Variants in ZNF433 observed in about 807,000 individuals in gnomAD.
ZNF433 encodes zinc finger protein 433.
ZNF433 carries 12 observed loss-of-function variants against 10.6 expected under a neutral mutation model. The ratio of observed to expected loss-of-function variants is 1.13; its 90% CI spans 0.72 to 1.83. The LOEUF (loss-of-function observed/expected upper bound fraction) is 1.83. ZNF433 is among the 40% of genes most tolerant of loss of function. The pLI is 0.00. For missense variants in ZNF433, 737 were observed against 798.0 expected, an observed-to-expected ratio of 0.92 and a Z score of 0.92; for synonymous variants, 272 against 271.3, an observed-to-expected ratio of 1.00 and a Z score of -0.02.
chr19:12,017,574 G>T (rs1018827599), intron 3 of ZNF433, among the ~76,000 whole-genome samples: 4 of 149,626 alleles, frequency 2.7e-5, no homozygotes, highest in African/African-American at 9.9e-5. Context: ...TTGTTTTTTG[G>T]GTCAGGGTCT....
At position 12,015,465 on chromosome 19, in the gene ZNF433, G is replaced by A. The variant is rs758343802; in HGVS notation, c.1393C>T (p.His465Tyr). The A allele has an allele frequency of 1.2e-6, 2 of 1,613,956 alleles. No individual in the cohort carries two copies. Among genetic ancestry groups the A allele is most frequent in the Admixed American group, 3.3e-5 (2 of 59,984 alleles). Residue 465 changes from histidine (H) to tyrosine (Y), a missense_variant, in exon 4 of 4, where the codon CAT (histidine) becomes TAT (tyrosine). Transcript: ENST00000550507. ...TTCTCTTCTCTGTGCATCCTTTCAT[G>A]TATTTGAAAGAAAGAGAAATTACTA... ...PFSNFSFFQIHERMHREEKPY... is the reference protein window; with the variant it reads ...PFSNFSFFQIYERMHREEKPY...
In ZNF433 at chr19:12,015,049, T is replaced by C; in HGVS notation, c.1809A>G (p.Gln603=). 2 of 1,613,992 alleles carry C rather than the reference T, an allele frequency of 1.2e-6. No individual in the cohort carries two copies. The highest frequency in any genetic ancestry group is 8.5e-7 in the Non-Finnish European group (1 of 1,179,958). Residue 603 remains glutamine, a synonymous_variant, in exon 4 of 4, where the codon CAA becomes CAG. Coordinates refer to ENST00000550507, the MANE Select transcript of ZNF433 (RefSeq NM_001308348.2). ...GKSFGCASRL[Q]MHGRTHTGEK... ...CTCCAGTGTGAGTCCTTCCATGCAT[T>C]TGAAGTCGCGAGGCACATCCAAAAG...
intron 1 of ZNF433, chr19:12,026,291 C>T (rs932674470): frequency 5.5e-6 from 1 of 181,466 alleles, no homozygotes; most frequent in Non-Finnish European, 1.2e-5. Flanking sequence ...CCCAAAGACT[C>T]CCTGGTTGCA....
Position 12,015,217 on chromosome 19 carries a change from T to C in ZNF433, c.1641A>G (p.Gln547=). The part of the protein sequence containing the change: ...GKAFRSASQL[Q]IHGRTHTGEK... Reference sequence around the variant, plus strand: ...CTCCAGTGTGAGTCCTTCCATGAATTTGAAGCTGTGAGGCAGATCTGAAGG... The same window carrying C: ...CTCCAGTGTGAGTCCTTCCATGAATCTGAAGCTGTGAGGCAGATCTGAAGG... Residue 547 remains glutamine (Q), a synonymous_variant, in exon 4 of 4, where the codon CAA becomes CAG. Coordinates refer to ENST00000550507, the MANE Select transcript of ZNF433 (RefSeq NM_001308348.2). The C allele has an allele frequency of 6.2e-7, 1 of 1,613,786 alleles. No individual in the cohort carries two copies. The highest frequency in any genetic ancestry group is 8.5e-7 in the Non-Finnish European group (1 of 1,179,880).
chr19:12,031,311 CAAAACA>C (rs1386795377), intron 1 of ZNF433, among the ~76,000 whole-genome samples: 3 of 109,836 alleles, frequency 2.7e-5, no homozygotes, highest in East Asian at 2.5e-4. Flanking sequence ...AAAAAAAAAA[CAAAACA>C]AAAAAAAAAA....
At chr19:12,017,110 G>C (rs1974246477) in intron 3 of ZNF433, among the ~76,000 whole-genome samples, 1 of 152,112 alleles carries the variant, frequency 6.6e-6, no homozygotes, top group African/African-American at 2.4e-5. Flanking sequence ...GTTTGAATAT[G>C]AACGGACCAC....
Position 12,015,055 on chromosome 19 carries a change from T to G in ZNF433, c.1803A>C (p.Arg601=), listed in dbSNP as rs1273048178. 6.2e-7 allele frequency: 1 copy of G among 1,612,424 alleles called. No individual in the cohort carries two copies. The highest frequency in any genetic ancestry group is 8.5e-7 in the Non-Finnish European group (1 of 1,179,586). ...TGTGAGTCCTTCCATGCATTTGAAG[T>G]CGCGAGGCACATCCAAAAGACTTCC... The part of the protein sequence containing the change: ...QCGKSFGCAS[R]LQMHGRTHTG... Residue 601 remains arginine (R), a synonymous_variant, in exon 4 of 4, where the codon CGA becomes CGC. Transcript: ENST00000550507.
At chr19:12,032,218 G>A (rs925324872) in intron 1 of ZNF433, among the ~76,000 whole-genome samples, 2 of 152,058 alleles carry the variant, frequency 1.3e-5, no homozygotes, top group Admixed American at 6.6e-5. Context: ...GATTACAGGC[G>A]TGAGCCACCA....
rs764959207 is a variant in ZNF433 at position 12,018,299 on chromosome 19, C to T, written c.4-7G>A. On this transcript the variant is annotated splice_region_variant and splice_polypyrimidine_tract_variant and intron_variant, in intron 1 of 3. Coordinates refer to ENST00000550507, the MANE Select transcript of ZNF433 (RefSeq NM_001308348.2). ...CCTCAAAGGCCACTGAATCCTGAAA[C>T]ATCTCACATGTATAGAGGAGGATGG... is the stretch of plus-strand genomic sequence containing the variant. 1.9e-6 allele frequency: 3 copies of T among 1,613,084 alleles called. No homozygotes were observed. The highest frequency in any genetic ancestry group is 2.5e-6 in the Non-Finnish European group (3 of 1,179,600).
chr19:12,016,162 A>G lies in ZNF433; in HGVS notation c.696T>C (p.Phe232=). The change falls in exon 4 of 4, where the codon TTT becomes TTC. Residue 232 remains phenylalanine (F), a synonymous_variant. Coordinates refer to ENST00000550507, the MANE Select transcript of ZNF433 (RefSeq NM_001308348.2). ...GTATTCGAAGGCTACTAGAATGACT[A>G]AAGGCTTTACCACACTGTTTACATT... The part of the protein sequence containing the change: ...PYQCKQCGKA[F]SHSSSLRIHE... 1 of 1,614,126 alleles carries G rather than the reference A, an allele frequency of 6.2e-7. No individual in the cohort carries two copies. The highest frequency in any genetic ancestry group is 8.5e-7 in the Non-Finnish European group (1 of 1,180,000).
chr19:12,029,676 A>G (rs1304635151), intron 1 of ZNF433, among the ~76,000 whole-genome samples: 2 of 152,100 alleles, frequency 1.3e-5, no homozygotes, highest in Non-Finnish European at 2.9e-5. Context: ...ATCTCTGAGA[A>G]GTCATTAGAA....
intron 3 of ZNF433, 87 bp from the exon 4 acceptor site, chr19:12,016,753 CTTTTT>C: frequency 6.8e-7 from 1 of 1,478,986 alleles, no homozygotes; most frequent in South Asian, 1.4e-5. Flanking sequence ...CATTTTTTCT[CTTTTT>C]TTTGAGATGG....
Position 12,015,910 on chromosome 19 carries a change from G to GA in ZNF433, c.947dup (p.Lys317GlnfsTer10), listed in dbSNP as rs1408852989. On this transcript the variant is annotated frameshift_variant, in exon 4 of 4. Coordinates refer to ENST00000550507, the MANE Select transcript of ZNF433 (RefSeq NM_001308348.2). LOFTEE classifies it low-confidence loss of function (END_TRUNC). ...GTCTGCGAACAGAACTGGGACACTTGAATGCTTTTCCACATTCCTTACATT... is the reference window on the plus strand; with the variant it reads ...GTCTGCGAACAGAACTGGGACACTTGAAATGCTTTTCCACATTCCTTACATT... 6.2e-6 allele frequency: 10 copies of GA among 1,613,196 alleles called. No individual in the cohort carries two copies. The highest frequency in any genetic ancestry group is 8.5e-6 in the Non-Finnish European group (10 of 1,179,752).
At position 12,035,592 on chromosome 19, in the gene ZNF433, CAG is replaced by C. The variant is rs1975256258; in HGVS notation, c.-55_-54del. ...CCAGTGCGGGTCACAGCACAGGCGA[CAG>C]AAGCTATGGCAGAGGCACCTGAACC... On this transcript the variant is annotated 5_prime_UTR_variant, in exon 1 of 4. Transcript: ENST00000550507. 2 of 1,556,616 alleles carry C rather than the reference CAG, an allele frequency of 1.3e-6. No individual in the cohort carries two copies. Among genetic ancestry groups the C allele is most frequent in the Non-Finnish European group, 1.7e-6 (2 of 1,150,504 alleles).
Position 12,015,425 on chromosome 19 carries a change from T to G in ZNF433, c.1433A>C (p.Lys478Thr). 2.5e-6 allele frequency: 4 copies of G among 1,614,126 alleles called. No homozygotes were observed. The highest frequency in any genetic ancestry group is 3.4e-6 in the Non-Finnish European group (4 of 1,179,968). The change falls in exon 4 of 4, where the codon AAG becomes ACG. Residue 478 changes from lysine to threonine, a missense_variant. By Grantham distance (78) the Lys-to-Thr change is moderately conservative. Coordinates refer to ENST00000550507, the MANE Select transcript of ZNF433 (RefSeq NM_001308348.2). The part of the protein sequence containing the change: ...MHREEKPYEC[K>T]GYGKTFSLPS... The stretch of plus-strand genomic sequence containing the variant: ...CAAACTGAATGTTTTCCCATAACCC[T>G]TACATTCATACGGCTTCTCTTCTCT...
At position 12,014,897 on chromosome 19, in the gene ZNF433, C is replaced by T. The variant is rs1297534941; in HGVS notation, c.1961G>A (p.Cys654Tyr). ...TCCATGCACTTGAAGTTGTGAAGAA[C>T]ATCTAAAGACTTTACCACATTGGTT... ...KCNQCGKVFRCSSQLQVHGRA... is the reference protein window; with the variant it reads ...KCNQCGKVFRYSSQLQVHGRA... The change falls in exon 4 of 4, where the codon TGT becomes TAT. Residue 654 changes from cysteine (C) to tyrosine (Y), a missense_variant. Physicochemically the swap from Cys to Tyr is radical, Grantham distance 194 (BLOSUM62 -2). Coordinates refer to ENST00000550507, the MANE Select transcript of ZNF433 (RefSeq NM_001308348.2). The T allele has an allele frequency of 6.2e-7, 1 of 1,611,904 alleles. No individual in the cohort carries two copies. Among genetic ancestry groups the T allele is most frequent in the African/African-American group, 1.3e-5 (1 of 74,882 alleles).
intron 1 of ZNF433, among the ~76,000 whole-genome samples, chr19:12,019,063 A>G (rs1364177308): frequency 6.7e-6 from 1 of 150,252 alleles, no homozygotes; most frequent in Non-Finnish European, 1.5e-5. Context: ...AAAAAAAAAA[A>G]AAAAAAAAAA....
Position 12,015,442 on chromosome 19 carries a change from C to A in ZNF433, c.1416G>T (p.Glu472Asp), listed in dbSNP as rs2145397022. 6.2e-7 allele frequency: 1 copy of A among 1,614,046 alleles called. No individual in the cohort carries two copies. The highest frequency in any genetic ancestry group is 1.1e-5 in the South Asian group (1 of 91,080). Reference protein sequence around the residue: ...FQIHERMHREEKPYECKGYGK... With the variant: ...FQIHERMHREDKPYECKGYGK... ...CATAACCCTTACATTCATACGGCTTCTCTTCTCTGTGCATCCTTTCATGTA... is the reference window on the plus strand; with the variant it reads ...CATAACCCTTACATTCATACGGCTTATCTTCTCTGTGCATCCTTTCATGTA... Residue 472 changes from glutamate (E) to aspartate (D), a missense_variant, in exon 4 of 4, where the codon GAG becomes GAT. By Grantham distance (45) the Glu-to-Asp change is conservative (BLOSUM62 2). Transcript: ENST00000550507.
At chr19:12,031,227 C>T (rs1017508447) in intron 1 of ZNF433, among the ~76,000 whole-genome samples, 8 of 139,708 alleles carry the variant, frequency 5.7e-5, no homozygotes, top group South Asian at 4.7e-4. Flanking sequence ...ACCCAGGAGG[C>T]GGAGGTTGCA....
Sources: allele counts gnomAD v4.1 joint callset (sites outside exome capture counted in the v4.1 genomes callset), GRCh38; gene constraint gnomAD v4.1.1; transcripts MANE v1.5; gene names NCBI Gene and HGNC (gene_info 2026-07-23, HGNC 2026-07-21).